Variants in KIRREL3 observed in about 807,000 individuals in gnomAD.
The protein encoded by KIRREL3 is kin of IRRE-like protein 3.
KIRREL3 carries 36 observed loss-of-function variants against 89.7 expected under a neutral mutation model. The observed-to-expected ratio is 0.40, with a 90% CI of 0.31 to 0.53. The LOEUF is 0.53. Among genes scored for constraint, KIRREL3 ranks in the 20% least tolerant of loss-of-function variants. KIRREL3 has a pLI of 0.49. For missense variants in KIRREL3, 864 were observed against 1,056.6 expected, an observed-to-expected ratio of 0.82 and a Z score of 2.53; for synonymous variants, 445 against 441.4, an observed-to-expected ratio of 1.01 and a Z score of -0.10.
At chr11:126,634,052 C>G (rs1017251673) in intron 1 of KIRREL3, among the ~76,000 whole-genome samples, 1 of 152,182 alleles carries the variant, frequency 6.6e-6, no homozygotes, top group Non-Finnish European at 1.5e-5. Flanking sequence ...CTCTGGGGGT[C>G]AGGTGTGGTA....
In KIRREL3 at chr11:127,000,018, TC is replaced by T. The variant is rs1950277592; in HGVS notation, c.55+436del. Among the ~76,000 whole-genome samples, 1 of 151,780 alleles carries T rather than the reference TC, an allele frequency of 6.6e-6. No homozygotes were observed. The highest frequency in any genetic ancestry group is 6.6e-5 in the Admixed American group (1 of 15,232). ...TCGCTTTTGAATACACTTGTGCAAG[TC>T]AAACCCTATTCAAGCTGAAATATCC... On this transcript the variant is annotated intron_variant, in intron 1 of 16. Transcript: ENST00000525144. This position sits in a 1 kb window ranked among gnomAD's most constrained non-coding sequence, Gnocchi z 7.1.
Position 126,528,289 on chromosome 11 carries a change from T to C in KIRREL3, c.134-1602A>G, listed in dbSNP as rs1958826389. ...CGTCCTGGACACTGGCTGCTGCCCA[T>C]CTTGGGGACAAAAAGCCCCAGGCTT... is the stretch of plus-strand genomic sequence containing the variant. On this transcript the variant is annotated intron_variant, in intron 2 of 16. Coordinates refer to ENST00000525144, the MANE Select transcript of KIRREL3 (RefSeq NM_032531.4). The surrounding 1 kb of genome is among the most constrained non-coding windows in gnomAD (Gnocchi z 4.6). 6.6e-6 allele frequency among the ~76,000 whole-genome samples: 1 copy of C among 152,204 alleles called. No individual in the cohort carries two copies. The highest frequency in any genetic ancestry group is 1.5e-5 in the Non-Finnish European group (1 of 68,030).
At chr11:126,936,697 A>C (rs896042683) in intron 1 of KIRREL3, 5 of 152,344 alleles carry the variant, frequency 3.3e-5, no homozygotes, top group Middle Eastern at 3.4e-3. Flanking sequence ...CGAAATGTCC[A>C]GAAAAGACAA....
rs920895937 is a variant in KIRREL3, at chr11:126,685,811, G to T, written c.56-122899C>A. ...TCACAGCATTCAGTGATGTTTGCCA[G>T]AGTGGCTCCACGCCCCTTGGGGGCA... On this transcript the variant is annotated intron_variant, in intron 1 of 16. Coordinates refer to ENST00000525144, the MANE Select transcript of KIRREL3 (RefSeq NM_032531.4). The surrounding 1 kb of genome is among the most constrained non-coding windows in gnomAD (Gnocchi z 5.5). Among the ~76,000 whole-genome samples, 7 of 152,254 alleles carry T rather than the reference G, an allele frequency of 4.6e-5. No individual in the cohort carries two copies. The highest frequency in any genetic ancestry group is 1.7e-4 in the African/African-American group (7 of 41,474).
intron 1 of KIRREL3, chr11:126,920,329 A>G (rs535807194): frequency 7.2e-5 from 11 of 152,516 alleles, no homozygotes; most frequent in African/African-American, 2.6e-4. Flanking sequence ...GATTAGACAA[A>G]GATAAATGCT....
chr11:126,786,872 G>T (rs547833448), intron 1 of KIRREL3, among the ~76,000 whole-genome samples: 3 of 152,170 alleles, frequency 2.0e-5, no homozygotes, highest in Non-Finnish European at 1.5e-5. Flanking sequence ...TGGCCAGGCC[G>T]TTGGTTGAGA....
rs543161833 is a variant in KIRREL3, at chr11:126,900,048, T to C, written c.55+100407A>G. Among the ~76,000 whole-genome samples the C allele has an allele frequency of 1.4e-4, 21 of 152,292 alleles. 1 individual carries two copies. Among genetic ancestry groups the C allele is most frequent in the African/African-American group, 4.6e-4 (19 of 41,566 alleles). On this transcript the variant is annotated intron_variant, in intron 1 of 16. Transcript: ENST00000525144. The surrounding 1 kb of genome is among the most constrained non-coding windows in gnomAD (Gnocchi z 4.4). ...TAATTGCATGGCAGTGGTTGTTTTG[T>C]AAAAGGAATAGCTAGCTGGTGGGTC...
rs1388326457 is a variant in KIRREL3 at position 126,734,264 on chromosome 11, C to T, written c.56-171352G>A. On this transcript the variant is annotated intron_variant, in intron 1 of 16. Coordinates refer to ENST00000525144, the MANE Select transcript of KIRREL3 (RefSeq NM_032531.4). This position sits in a 1 kb window ranked among gnomAD's most constrained non-coding sequence, Gnocchi z 5.9. ...AAAGCTCTACTTTTGGGATCTATGG[C>T]AGGTTCTTGGGGTCATTTATAAATA... Among the ~76,000 whole-genome samples the T allele has an allele frequency of 6.6e-6, 1 of 152,188 alleles. No homozygotes were observed. The highest frequency in any genetic ancestry group is 2.4e-5 in the African/African-American group (1 of 41,450).
At position 126,837,504 on chromosome 11, in the gene KIRREL3, C is replaced by T. The variant is rs535052188; in HGVS notation, c.55+162951G>A. Among the ~76,000 whole-genome samples the T allele has an allele frequency of 5.3e-5, 8 of 152,218 alleles. No homozygotes were observed. The East Asian group carries it at 7.7e-4, about 15-fold the overall frequency. On this transcript the variant is annotated intron_variant, in intron 1 of 16. Transcript: ENST00000525144. This position sits in a 1 kb window ranked among gnomAD's most constrained non-coding sequence, Gnocchi z 4.7. ...CATGGAATTACTTCCACAATAATTA[C>T]GAGGGAATCGGATCTTGTCTAGGAC...
chr11:126,613,053 G>A lies in KIRREL3; in HGVS notation c.56-50141C>T, dbSNP rs1253036950. On this transcript the variant is annotated intron_variant, in intron 1 of 16. Transcript: ENST00000525144. ...CTCTATGTTTAATTTTTGCAGAACC[G>A]CCAAACTGCTTTCTGAGGAGTTTTT... Among the ~76,000 whole-genome samples, 5 of 152,124 alleles carry A rather than the reference G, an allele frequency of 3.3e-5. No homozygotes were observed. In the East Asian group the frequency reaches 5.8e-4, roughly 18 times the overall value.
At position 126,795,583 on chromosome 11, in the gene KIRREL3, C is replaced by T. The variant is rs1447734323; in HGVS notation, c.55+204872G>A. Among the ~76,000 whole-genome samples, 1 of 151,858 alleles carries T rather than the reference C, an allele frequency of 6.6e-6. No individual in the cohort carries two copies. The highest frequency in any genetic ancestry group is 1.5e-5 in the Non-Finnish European group (1 of 67,976). On this transcript the variant is annotated intron_variant, in intron 1 of 16. Transcript: ENST00000525144. This position sits in a 1 kb window ranked among gnomAD's most constrained non-coding sequence, Gnocchi z 4.1. ...GTAGAGACGGGGTTTCTACTAAAAC[C>T]CTGTTGGCCAGGCTGGTCTTGAACT...
At position 126,490,414 on chromosome 11, in the gene KIRREL3, G is replaced by T. The variant is rs559995742; in HGVS notation, c.434-16948C>A. On this transcript the variant is annotated intron_variant, in intron 4 of 16. Coordinates refer to ENST00000525144, the MANE Select transcript of KIRREL3 (RefSeq NM_032531.4). This position sits in a 1 kb window ranked among gnomAD's most constrained non-coding sequence, Gnocchi z 4.2. ...AGGTTATTGGAAATAGACCATGTAG[G>T]CCTGTGTTCCACGGGTGCTCAGAAA... Among the ~76,000 whole-genome samples, 1 of 152,118 alleles carries T rather than the reference G, an allele frequency of 6.6e-6. No homozygotes were observed. The highest frequency in any genetic ancestry group is 1.5e-5 in the Non-Finnish European group (1 of 67,994).
intron 1 of KIRREL3, among the ~76,000 whole-genome samples, chr11:126,577,655 G>A (rs546665460): frequency 9.9e-5 from 15 of 151,006 alleles, no homozygotes; most frequent in Non-Finnish European, 2.1e-4. Flanking sequence ...CCAGCTATTC[G>A]GGAGGCTGAG....
At position 126,463,027 on chromosome 11, in the gene KIRREL3, C is replaced by T. The variant is rs897990103; in HGVS notation, c.742+130G>A. Reference sequence around the variant, plus strand: ...AGATGGTCCTTCCTGTCCGTATCTACAAGCTGGCCAATCCACAGAGCTGCC... The same window carrying T: ...AGATGGTCCTTCCTGTCCGTATCTATAAGCTGGCCAATCCACAGAGCTGCC... On this transcript the variant is annotated intron_variant, in intron 6 of 16. Transcript: ENST00000525144. This position sits in a 1 kb window ranked among gnomAD's most constrained non-coding sequence, Gnocchi z 5.9. 3 of 812,196 alleles carry T rather than the reference C, an allele frequency of 3.7e-6. No individual in the cohort carries two copies. The highest frequency in any genetic ancestry group is 5.9e-6 in the Non-Finnish European group (3 of 510,956). The allele number at this position is 812,196 out of a possible 1,614,324, so 50.3% of individuals were successfully genotyped here. A position where few individuals can be genotyped will look rare whatever the true frequency, so the allele number is the denominator to read the frequency against.
At chr11:126,937,841 G>C (rs1465284450) in intron 1 of KIRREL3, among the ~76,000 whole-genome samples, 1 of 152,198 alleles carries the variant, frequency 6.6e-6, no homozygotes, top group East Asian at 1.9e-4. Context: ...GGAGCTTGCA[G>C]TGAGCAGGAA....
In KIRREL3 at chr11:126,932,533, G is replaced by A. The variant is rs79336206; in HGVS notation, c.55+67922C>T. The stretch of plus-strand genomic sequence containing the variant: ...CATTAGTATCGTTATGAAGGTTTTC[G>A]GCCCATACAGAAAGGGCAAGTCTCA... On this transcript the variant is annotated intron_variant, in intron 1 of 16. Transcript: ENST00000525144. 1.9e-3 allele frequency among the ~76,000 whole-genome samples: 293 copies of A among 152,152 alleles called. 3 individuals are homozygous for A. The highest frequency in any genetic ancestry group is 3.4e-3 in the African/African-American group (143 of 41,500).
chr11:126,974,918 G>T (rs1949526848), intron 1 of KIRREL3, among the ~76,000 whole-genome samples: 1 of 152,178 alleles, frequency 6.6e-6, no homozygotes, highest in South Asian at 2.1e-4. Flanking sequence ...ATTTATTTAT[G>T]TATGTATTTA....
At chr11:126,713,810 G>A (rs974788633) in intron 1 of KIRREL3, among the ~76,000 whole-genome samples, 1 of 152,150 alleles carries the variant, frequency 6.6e-6, no homozygotes, top group African/African-American at 2.4e-5. Context: ...AGGCTGACGG[G>A]CGAGGAGGAA....
At chr11:126,680,539 G>A (rs1186491720) in intron 1 of KIRREL3, among the ~76,000 whole-genome samples, 1 of 152,028 alleles carries the variant, frequency 6.6e-6, no homozygotes, top group Non-Finnish European at 1.5e-5. Flanking sequence ...TGCCCTTTAG[G>A]GCAGGAGCTA....
Sources: gnomAD v4.1 joint callset for allele counts (sites outside exome capture counted in the v4.1 genomes callset) on GRCh38, gnomAD v4.1.1 for gene constraint, Gnocchi (gnomAD v3.1) non-coding constraint, MANE v1.5 for transcripts, NCBI Gene and HGNC (gene_info 2026-07-23, HGNC 2026-07-21) for gene names.